The following CD46 variants were observed in gnomAD, a reference collection of about 807,000 sequenced individuals.
The protein encoded by CD46 is membrane cofactor protein.
CD46 carries 30 observed loss-of-function variants against 53.3 expected under a neutral mutation model. The observed-to-expected ratio is 0.56, with a 90% CI of 0.42 to 0.76. The LOEUF is 0.76. Among genes scored for constraint, CD46 ranks in the 30% least tolerant of loss-of-function variants. The pLI, the probability that CD46 is intolerant of heterozygous loss-of-function variation, is 0.00. For missense variants in CD46, 409 were observed against 463.0 expected, an observed-to-expected ratio of 0.88 and a Z score of 1.07; for synonymous variants, 142 against 152.0, an observed-to-expected ratio of 0.93 and a Z score of 0.48.
At chr1:207,790,418 A>G (rs1485742772) in intron 12 of CD46, 73 bp downstream of exon 12, 7 of 760,204 alleles carry the variant, frequency 9.2e-6, no homozygotes, top group Admixed American at 7.9e-5. Flanking sequence ...ATAGATATCA[A>G]TAACCTGAGC....
At chr1:207,764,514 T>C (rs1656625136) in intron 5 of CD46, among the ~76,000 whole-genome samples, 1 of 152,146 alleles carries the variant, frequency 6.6e-6, no homozygotes, top group Non-Finnish European at 1.5e-5. Flanking sequence ...CCCCATCCCT[T>C]AGCCAAAAAG....
intron 2 of CD46, 49 bp from the exon 3 acceptor site, chr1:207,757,491 G>T: frequency 2.5e-6 from 3 of 1,214,056 alleles, no homozygotes; most frequent in Non-Finnish European, 3.6e-6. Context: ...TTTTGATTCA[G>T]ATCTGTTTTA....
At chr1:207,767,499 A>G in intron 6 of CD46, 1 of 970,334 alleles carries the variant, frequency 1.0e-6, no homozygotes, top group Non-Finnish European at 1.7e-6. Flanking sequence ...TGGAATTGAA[A>G]CATGGGCATT....
intron 11 of CD46, among the ~76,000 whole-genome samples, chr1:207,786,363 T>C (rs1015159055): frequency 7.2e-5 from 11 of 152,130 alleles, no homozygotes; most frequent in Non-Finnish European, 1.3e-4. Flanking sequence ...TATAAAAATG[T>C]AAAAAGTGAG....
chr1:207,759,936 A>G (rs1655995486), intron 4 of CD46: 1 of 467,264 alleles, frequency 2.1e-6, no homozygotes, highest in East Asian at 4.0e-5. Context: ...TTCCTAAGAC[A>G]CGGTCTCAGG....
At chr1:207,784,054 G>A (rs1163763415) in intron 9 of CD46, among the ~76,000 whole-genome samples, 1 of 152,172 alleles carries the variant, frequency 6.6e-6, no homozygotes, top group Non-Finnish European at 1.5e-5. Context: ...AGTCAAAAAT[G>A]TATTCTCAAA....
chr1:207,759,682 G>A lies in CD46; in HGVS notation c.433G>A (p.Gly145Arg). The A allele has an allele frequency of 6.2e-7, 1 of 1,606,446 alleles. No individual in the cohort carries two copies. Among genetic ancestry groups the A allele is most frequent in the Non-Finnish European group, 8.5e-7 (1 of 1,173,352 alleles). Residue 145 changes from glycine to arginine, a missense_variant, in exon 4 of 13, where the codon GGA (glycine) becomes AGA (arginine). Gly to Arg is a moderately radical substitution (Grantham distance 125). Coordinates refer to ENST00000367042, the MANE Select transcript of CD46 (RefSeq NM_172351.3). ...GEEILYCELKGSVAIWSGKPP... is the reference protein window; with the variant it reads ...GEEILYCELKRSVAIWSGKPP... The stretch of plus-strand genomic sequence containing the variant: ...AGAAATTCTATATTGTGAACTTAAA[G>A]GATCAGTAGCAATTTGGAGCGGTAA...
chr1:207,777,070 T>TAA (rs1442663810), intron 8 of CD46, among the ~76,000 whole-genome samples: 3 of 152,168 alleles, frequency 2.0e-5, no homozygotes, highest in African/African-American at 7.2e-5. Context: ...CATTATGAAT[T>TAA]AAAGCCCTTT....
In CD46 at chr1:207,766,605, C is replaced by T. The variant is rs368111041; in HGVS notation, c.674-408C>T. Among the ~76,000 whole-genome samples, 39 of 152,216 alleles carry T rather than the reference C, an allele frequency of 2.6e-4. No individual in the cohort carries two copies. In the South Asian group the frequency reaches 8.1e-3, roughly 32 times the overall value. On this transcript the variant is annotated intron_variant, in intron 5 of 12. Coordinates refer to ENST00000367042, the MANE Select transcript of CD46 (RefSeq NM_172351.3). ...TCCAGGAGATTCAGTGAACCTTCAG[C>T]AGGATGAATAAATTATTAAAATTTA... is the stretch of plus-strand genomic sequence containing the variant.
rs771992394 is a variant in CD46, at chr1:207,767,829, G to A, written c.901+6G>A. On this transcript the variant is annotated splice_donor_region_variant and intron_variant, in intron 7 of 12. Transcript: ENST00000367042. ...TCCAGCGTCCAGTGCCTCAGGTTTA[G>A]TAATTTCCTGCTTATAGTTTTTCAA... 1 of 1,601,466 alleles carries A rather than the reference G, an allele frequency of 6.2e-7. No individual in the cohort carries two copies. The highest frequency in any genetic ancestry group is 8.6e-7 in the Non-Finnish European group (1 of 1,168,912).
At chr1:207,766,642 A>C (rs1446678587) in intron 5 of CD46, among the ~76,000 whole-genome samples, 1 of 151,736 alleles carries the variant, frequency 6.6e-6, no homozygotes, top group African/African-American at 2.4e-5. Context: ...CACCACCACC[A>C]CCCCCCTGCA....
At chr1:207,793,263 A>G (rs1272184410) in intron 12 of CD46, among the ~76,000 whole-genome samples, 5 of 152,186 alleles carry the variant, frequency 3.3e-5, no homozygotes, top group Admixed American at 6.5e-5. Flanking sequence ...CATAGTTACT[A>G]AGTACTTTGT....
intron 1 of CD46, among the ~76,000 whole-genome samples, chr1:207,756,241 G>A (rs540110999): frequency 1.3e-5 from 2 of 152,322 alleles, no homozygotes; most frequent in East Asian, 3.9e-4. Context: ...GTGTGGCAGA[G>A]TAGGGCAAAG....
intron 1 of CD46, 59 bp from the exon 2 acceptor site, chr1:207,756,955 A>G (rs1571577806): frequency 7.1e-7 from 1 of 1,416,576 alleles, no homozygotes; most frequent in East Asian, 2.3e-5. Context: ...ACCACAGTCC[A>G]TGGCTGATGA....
intron 5 of CD46, among the ~76,000 whole-genome samples, chr1:207,764,666 T>C (rs916840150): frequency 6.6e-6 from 1 of 152,178 alleles, no homozygotes; most frequent in Non-Finnish European, 1.5e-5. Flanking sequence ...ATTTAAAGGA[T>C]GACAAGGGAA....
intron 1 of CD46, among the ~76,000 whole-genome samples, chr1:207,755,833 T>C (rs1345912263): frequency 6.6e-6 from 1 of 152,266 alleles, no homozygotes; most frequent in Admixed American, 6.5e-5. Flanking sequence ...ATTTTCAATA[T>C]GAAATTGATT....
intron 8 of CD46, among the ~76,000 whole-genome samples, chr1:207,776,162 C>T (rs1281505657): frequency 1.3e-5 from 2 of 152,200 alleles, no homozygotes; most frequent in Non-Finnish European, 2.9e-5. Flanking sequence ...GTTCTGTGAG[C>T]GTGGGACCTG....
chr1:207,786,577 T>G (rs2102694159), intron 11 of CD46, among the ~76,000 whole-genome samples: 1 of 152,338 alleles, frequency 6.6e-6, no homozygotes, highest in Middle Eastern at 3.4e-3. Flanking sequence ...TAAAAACTGT[T>G]TTCCCCTATA....
At position 207,793,631 on chromosome 1, in the gene CD46, T is replaced by C; in HGVS notation, c.*154T>C. The C allele has an allele frequency of 6.7e-7, 1 of 1,490,132 alleles. No homozygotes were observed. Among genetic ancestry groups the C allele is most frequent in the Non-Finnish European group, 9.4e-7 (1 of 1,067,684 alleles). The allele number at this position is 1,490,132 out of a possible 1,614,324, so 92.3% of individuals were successfully genotyped here. ...CTGGTTTGCCAGTTCATCTTTTGAC[T>C]CTATTAAAATCTTCAATAGTTGTTA... On this transcript the variant is annotated 3_prime_UTR_variant, in exon 13 of 13. Coordinates refer to ENST00000367042, the MANE Select transcript of CD46 (RefSeq NM_172351.3).
Sources: allele counts gnomAD v4.1 joint callset (sites outside exome capture counted in the v4.1 genomes callset), GRCh38; gene constraint gnomAD v4.1.1; transcripts MANE v1.5; gene names NCBI Gene and HGNC (gene_info 2026-07-23, HGNC 2026-07-21).